Variants in TLN2 observed in about 807,000 individuals in gnomAD.
The protein encoded by TLN2 is talin-2.
In TLN2, 118 loss-of-function variants were observed where a neutral mutation model predicts 294.7. That is an observed-to-expected ratio of 0.40 (90% CI 0.34 to 0.47). TLN2 has a LOEUF of 0.47. TLN2 is among the 20% of genes least tolerant of loss of function. The pLI, the probability that TLN2 is intolerant of heterozygous loss-of-function variation, is 0.84. For synonymous variants in TLN2, 1,431 were observed against 1,304.5 expected, an observed-to-expected ratio of 1.10 and a Z score of -2.09; for missense variants, 3,083 against 3,282.2, an observed-to-expected ratio of 0.94 and a Z score of 1.48.
At chr15:62,517,560 ACACCCCCAATATT>A (rs2040245342) in intron 1 of TLN2, among the ~76,000 whole-genome samples, 1 of 152,196 alleles carries the variant, frequency 6.6e-6, no homozygotes, top group South Asian at 2.1e-4. Flanking sequence ...TAATTATTCC[ACACCCCCAATATT>A]TTAATTTTGT....
In TLN2 at chr15:62,664,857, C is replaced by CAAAAAAAAAAA. The variant is rs10634187; in HGVS notation, c.788+6970_788+6980dup. 8.1e-3 allele frequency among the ~76,000 whole-genome samples: 238 copies of CAAAAAAAAAAA among 29,210 alleles called. 64 individuals carry two copies. The highest frequency in any genetic ancestry group is 0.012 in the Admixed American group (19 of 1,586). The allele number at this position is 29,210 out of a possible 152,430, so 19.2% of individuals were successfully genotyped here. Reference sequence around the variant, plus strand: ...CTGGGCAACAAGAGGGAAACTGTCTCAAAAAAAAAAAAAAAAAAAAAGTGG... The same window carrying CAAAAAAAAAAA: ...CTGGGCAACAAGAGGGAAACTGTCTCAAAAAAAAAAAAAAAAAAAAAAAAAAAAAAAAGTGG... On this transcript the variant is annotated intron_variant, in intron 9 of 58. Coordinates refer to ENST00000636159, the MANE Select transcript of TLN2 (RefSeq NM_015059.3).
At chr15:62,703,129 G>A (rs1421381240) in intron 19 of TLN2, among the ~76,000 whole-genome samples, 1 of 148,322 alleles carries the variant, frequency 6.7e-6, no homozygotes, top group Non-Finnish European at 1.5e-5. Flanking sequence ...TTAAATTAGA[G>A]TCTCACTCTG....
chr15:62,402,257 C>G (rs758283915), intron 1 of TLN2, among the ~76,000 whole-genome samples: 3 of 152,198 alleles, frequency 2.0e-5, no homozygotes, highest in Non-Finnish European at 2.9e-5. Context: ...TAAACTTGCA[C>G]CCCATTATTT....
intron 1 of TLN2, among the ~76,000 whole-genome samples, chr15:62,507,768 A>G (rs1301138866): frequency 6.6e-6 from 1 of 152,252 alleles, no homozygotes; most frequent in Non-Finnish European, 1.5e-5. Context: ...TGTAGGCAGT[A>G]CTGGGCAGAA....
chr15:62,447,489 C>G (rs2035883978), intron 1 of TLN2, among the ~76,000 whole-genome samples: 1 of 148,240 alleles, frequency 6.7e-6, no homozygotes. Context: ...ACAGAGTTAA[C>G]TTTACTTTTT....
In TLN2 at chr15:62,504,645, C is replaced by A. The variant is rs543961542; in HGVS notation, c.-237-85042C>A. Among the ~76,000 whole-genome samples the A allele has an allele frequency of 1.5e-4, 23 of 152,274 alleles. No individual in the cohort carries two copies. The South Asian group carries it at 4.6e-3, about 30-fold the overall frequency. ...CATATGGAAAAAAGTGAACCTTGATCCTTAGGTTACACCACATACAAAAAT... is the reference window on the plus strand; with the variant it reads ...CATATGGAAAAAAGTGAACCTTGATACTTAGGTTACACCACATACAAAAAT... On this transcript the variant is annotated intron_variant, in intron 1 of 58. Coordinates refer to ENST00000636159, the MANE Select transcript of TLN2 (RefSeq NM_015059.3).
intron 1 of TLN2, among the ~76,000 whole-genome samples, chr15:62,405,587 T>C (rs1008855338): frequency 6.6e-6 from 1 of 152,222 alleles, no homozygotes; most frequent in Non-Finnish European, 1.5e-5. Flanking sequence ...TAGGTGAGAA[T>C]GAAAGCTGCA....
intron 1 of TLN2, among the ~76,000 whole-genome samples, chr15:62,507,808 G>A (rs896178419): frequency 2.3e-4 from 35 of 152,246 alleles, no homozygotes; most frequent in African/African-American, 8.2e-4. Context: ...GCTGTGCAGT[G>A]CACAGTTTTG....
At chr15:62,836,885 T>C (rs1167280088) in intron 57 of TLN2, among the ~76,000 whole-genome samples, 1 of 152,212 alleles carries the variant, frequency 6.6e-6, no homozygotes, top group Non-Finnish European at 1.5e-5. Context: ...TAACATTTTA[T>C]CATATGTAAT....
chr15:62,697,666 A>T lies in TLN2; in HGVS notation c.1293-22A>T, dbSNP rs190422756. Reference sequence around the variant, plus strand: ...CCACATGGCTGGTGTTCTCTCAGTGACCAAACCACTTTTCCCGGCAGGTCC... The same window carrying T: ...CCACATGGCTGGTGTTCTCTCAGTGTCCAAACCACTTTTCCCGGCAGGTCC... On this transcript the variant is annotated intron_variant, in intron 14 of 58. Transcript: ENST00000636159. 6 of 1,585,368 alleles carry T rather than the reference A, an allele frequency of 3.8e-6. No individual in the cohort carries two copies. In the East Asian group the frequency reaches 1.4e-4, roughly 36 times the overall value.
At chr15:62,510,002 GA>G (rs371334023) in intron 1 of TLN2, among the ~76,000 whole-genome samples, 19 of 151,380 alleles carry the variant, frequency 1.3e-4, no homozygotes, top group South Asian at 2.1e-4. Flanking sequence ...TAAGTCATGT[GA>G]AAAAAAAATG....
At position 62,717,595 on chromosome 15, in the gene TLN2, C is replaced by A. The variant is rs1385982532; in HGVS notation, c.2783C>A (p.Ala928Glu). Residue 928 changes from alanine to glutamate, a missense_variant, in exon 24 of 59, where the codon GCA (alanine) becomes GAA (glutamate). Coordinates refer to ENST00000636159, the MANE Select transcript of TLN2 (RefSeq NM_015059.3). ...NRLEVAAKQAAAAATQTIAAS... is the reference protein window; with the variant it reads ...NRLEVAAKQAEAAATQTIAAS... ...CTGCAGGTTGCAGCCAAGCAGGCCG[C>A]AGCGGCAGCCACACAGACCATCGCC... 6.3e-7 allele frequency: 1 copy of A among 1,583,856 alleles called. No individual in the cohort carries two copies. The highest frequency in any genetic ancestry group is 8.6e-7 in the Non-Finnish European group (1 of 1,168,420).
chr15:62,773,085 T>G (rs144057017), intron 42 of TLN2, among the ~76,000 whole-genome samples: 147,657 of 150,512 alleles, frequency 0.98, 72,472 homozygotes, highest in Non-Finnish European at 1. Flanking sequence ...TAAAGCAGAG[T>G]CTGTTACCAG....
intron 3 of TLN2, among the ~76,000 whole-genome samples, chr15:62,639,250 T>A (rs1244480190): frequency 1.3e-5 from 2 of 151,980 alleles, no homozygotes; most frequent in Non-Finnish European, 2.9e-5. Context: ...TATATCTATA[T>A]CTATATCTAT....
Position 62,694,433 on chromosome 15 carries a change from A to C in TLN2, c.1292+41A>C, listed in dbSNP as rs778214218. The C allele has an allele frequency of 2.5e-6, 4 of 1,573,786 alleles. No individual in the cohort carries two copies. The African/African-American group carries it at 5.4e-5, about 21-fold the overall frequency. ...AGTACTAGAGGACCACCTTCTCCCT[A>C]GATAGGTAGGTTTCCTCTTGCCAGC... On this transcript the variant is annotated intron_variant, in intron 14 of 58. Transcript: ENST00000636159.
At chr15:62,751,821 G>A (rs932131130) in intron 34 of TLN2, among the ~76,000 whole-genome samples, 1 of 152,208 alleles carries the variant, frequency 6.6e-6, no homozygotes, top group Non-Finnish European at 1.5e-5. Context: ...CACCACACCA[G>A]TGATTTTCAA....
At chr15:62,738,110 T>TTC in intron 29 of TLN2, 104 bp from the exon 30 acceptor site, 1 of 1,343,156 alleles carries the variant, frequency 7.4e-7, no homozygotes, top group Non-Finnish European at 1.0e-6. Flanking sequence ...TGCTGGTGGG[T>TTC]CATTTCCGTA....
intron 1 of TLN2, among the ~76,000 whole-genome samples, chr15:62,526,390 C>A (rs2040742105): frequency 2.0e-5 from 3 of 152,184 alleles, no homozygotes. Flanking sequence ...GGTACACTTC[C>A]TCTGAATGAA....
At chr15:62,827,175 AG>A (rs1316638708) in intron 54 of TLN2, among the ~76,000 whole-genome samples, 1 of 152,178 alleles carries the variant, frequency 6.6e-6, no homozygotes, top group Non-Finnish European at 1.5e-5. Context: ...GTGGGGTTGC[AG>A]GGCATAAGAA....
Sources: allele counts gnomAD v4.1 joint callset (sites outside exome capture counted in the v4.1 genomes callset), GRCh38; gene constraint gnomAD v4.1.1; transcripts MANE v1.5; gene names NCBI Gene and HGNC (gene_info 2026-07-23, HGNC 2026-07-21).